ERAP1: variants seen among roughly 807,000 people sequenced by gnomAD.
The protein encoded by ERAP1 is endoplasmic reticulum aminopeptidase 1.
A neutral mutation model predicts 103.7 loss-of-function variants in ERAP1; 86 were observed. That is an observed-to-expected ratio of 0.83 (90% CI 0.70 to 0.99). The LOEUF (loss-of-function observed/expected upper bound fraction) is 0.99, where lower values mean the gene tolerates loss of function less well. ERAP1 is among the 50% of genes least tolerant of loss of function. The pLI is 0.00. For synonymous variants in ERAP1, 398 were observed against 402.4 expected, an observed-to-expected ratio of 0.99 and a Z score of 0.13; for missense variants, 1,009 against 1,128.4, an observed-to-expected ratio of 0.89 and a Z score of 1.52.
chr5:96,905,208 C>A, the ERAP1 span, among the ~76,000 whole-genome samples: 461 of 152,166 alleles, frequency 3.0e-3, 1 homozygote, highest in Non-Finnish European at 4.5e-3. Flanking sequence ...TAGAAAAGTA[C>A]ACTTCAAATA....
chr5:96,853,850 T>TAAAAAAA, the ERAP1 span, among the ~76,000 whole-genome samples: 1 of 143,726 alleles, frequency 7.0e-6, no homozygotes, highest in Non-Finnish European at 1.5e-5. Context: ...TTAAAAGTTC[T>TAAAAAAA]AAAAAAAAAA....
At chr5:96,919,053 A>G in the ERAP1 span, 1 of 152,252 alleles carries the variant, frequency 6.6e-6, no homozygotes, top group African/African-American at 2.4e-5. Context: ...AAAAATACAG[A>G]TAAGTTTTAG....
chr5:96,824,023 C>G, the ERAP1 span, among the ~76,000 whole-genome samples: 1 of 152,154 alleles, frequency 6.6e-6, no homozygotes, highest in Non-Finnish European at 1.5e-5. Flanking sequence ...TGCTGGGCAA[C>G]GTGATGATTC....
the ERAP1 span, among the ~76,000 whole-genome samples, chr5:96,825,525 T>C: frequency 6.6e-6 from 1 of 152,242 alleles, no homozygotes; most frequent in South Asian, 2.1e-4. Context: ...ATCTATCTTT[T>C]TCACCACTAT....
chr5:96,789,133 T>C (rs930432238), intron 10 of ERAP1, among the ~76,000 whole-genome samples: 1 of 152,172 alleles, frequency 6.6e-6, no homozygotes, highest in Non-Finnish European at 1.5e-5. Flanking sequence ...ACTCAACAAA[T>C]AGTGGGAACT....
the ERAP1 span, among the ~76,000 whole-genome samples, chr5:96,899,168 T>C: frequency 0.54 from 82,318 of 152,038 alleles, 22,358 homozygotes; most frequent in Admixed American, 0.59. Flanking sequence ...AGAAAACTGA[T>C]ACTAAGGGAC....
the ERAP1 span, among the ~76,000 whole-genome samples, chr5:96,865,836 G>A: frequency 6.6e-6 from 1 of 152,162 alleles, no homozygotes; most frequent in East Asian, 1.9e-4. Context: ...GGTCAAATAA[G>A]ATAGGTCCAC....
the ERAP1 span, among the ~76,000 whole-genome samples, chr5:96,906,417 C>T: frequency 1.3e-5 from 2 of 152,252 alleles, no homozygotes; most frequent in East Asian, 1.9e-4. Context: ...CAGGCACACA[C>T]CACCATGCCC....
the ERAP1 span, among the ~76,000 whole-genome samples, chr5:96,824,355 TC>T: frequency 6.6e-6 from 1 of 152,178 alleles, no homozygotes; most frequent in African/African-American, 2.4e-5. Flanking sequence ...TGATGTCTAA[TC>T]CAGCATTCAA....
At position 96,774,694 on chromosome 5, in the gene ERAP1, G is replaced by GTATT. The variant is rs1340131341; in HGVS notation, c.*1698_*1701dup. ...TATTTTACATTAAAATCTTGGTTGT[G>GTATT]TATTTTTTTAAAAGAAGGGAAATAG... On this transcript the variant is annotated 3_prime_UTR_variant, in exon 19 of 19. Transcript: ENST00000443439. 3.1e-6 allele frequency: 3 copies of GTATT among 980,492 alleles called. No homozygotes were observed. In the African/African-American group the frequency reaches 5.3e-5, roughly 17 times the overall value. 60.7% of individuals were successfully genotyped at this position (980,492 alleles called of 1,614,324 possible). A position where few individuals can be genotyped will look rare whatever the true frequency, so the allele number is the denominator to read the frequency against.
the ERAP1 span, chr5:96,886,629 C>G: frequency 1.4e-6 from 2 of 1,472,248 alleles, no homozygotes; most frequent in Non-Finnish European, 1.8e-6. Context: ...TTTTCAAGTA[C>G]TGATTATTCC....
chr5:96,802,688 T>C lies in ERAP1; in HGVS notation c.524+715A>G, dbSNP rs143053943. On this transcript the variant is annotated intron_variant, in intron 2 of 18. Transcript: ENST00000443439. ...AAAAGTATTTCCTCTAATATGTTGCTAGTAGGATTTGCTGAAGTCCTAACC... is the reference window on the plus strand; with the variant it reads ...AAAAGTATTTCCTCTAATATGTTGCCAGTAGGATTTGCTGAAGTCCTAACC... 1.8e-3 allele frequency among the ~76,000 whole-genome samples: 272 copies of C among 152,324 alleles called. 1 individual carries two copies. Among genetic ancestry groups the C allele is most frequent in the African/African-American group, 6.3e-3 (263 of 41,564 alleles).
chr5:96,924,638 G>A, the ERAP1 span, among the ~76,000 whole-genome samples: 1 of 150,792 alleles, frequency 6.6e-6, no homozygotes, highest in Non-Finnish European at 1.5e-5. Flanking sequence ...CTGTTGCCCA[G>A]GCTGGGAGCG....
the ERAP1 span, among the ~76,000 whole-genome samples, chr5:96,853,646 A>G: frequency 6.6e-6 from 1 of 152,080 alleles, no homozygotes; most frequent in Non-Finnish European, 1.5e-5. Context: ...ACATCATAGA[A>G]TAGGGAACAA....
At chr5:96,879,002 G>A in the ERAP1 span, among the ~76,000 whole-genome samples, 1 of 152,150 alleles carries the variant, frequency 6.6e-6, no homozygotes, top group Non-Finnish European at 1.5e-5. Flanking sequence ...CAGTTTGGGA[G>A]GATTGCTTGA....
At chr5:96,846,716 C>G in the ERAP1 span, among the ~76,000 whole-genome samples, 1 of 152,012 alleles carries the variant, frequency 6.6e-6, no homozygotes, top group Non-Finnish European at 1.5e-5. Flanking sequence ...TCCCAACCCC[C>G]CTCCCAGCAT....
chr5:96,872,138 T>C, the ERAP1 span, among the ~76,000 whole-genome samples: 8 of 152,116 alleles, frequency 5.3e-5, no homozygotes, highest in Non-Finnish European at 7.4e-5. Context: ...AGAGATCCTT[T>C]TGAAAAATAA....
At chr5:96,815,262 GA>G in the ERAP1 span, among the ~76,000 whole-genome samples, 95 of 152,252 alleles carry the variant, frequency 6.2e-4, no homozygotes, top group East Asian at 0.018. Flanking sequence ...AAATCTGTGT[GA>G]GTTTAGCATT....
the ERAP1 span, among the ~76,000 whole-genome samples, chr5:96,874,170 GAAAGAAAGAA>G: frequency 0.1 from 10,447 of 103,068 alleles, 570 homozygotes; most frequent in African/African-American, 0.19. Flanking sequence ...AAGAAAGAAA[GAAAGAAAGAA>G]AGAGAGAGAG....
Sources: gnomAD v4.1 joint callset for allele counts (sites outside exome capture counted in the v4.1 genomes callset) on GRCh38, gnomAD v4.1.1 for gene constraint, MANE v1.5 for transcripts, NCBI Gene and HGNC (gene_info 2026-07-23, HGNC 2026-07-21) for gene names.